The following STC2 variants were observed in gnomAD, a reference collection of about 807,000 sequenced individuals.
STC2 encodes stanniocalcin-2.
Under a neutral mutation model 22.7 loss-of-function variants are expected in STC2, and 7 were observed. The ratio of observed to expected loss-of-function variants is 0.31; its 90% confidence interval spans 0.18 to 0.58. The LOEUF is 0.58. Among genes scored for constraint, STC2 ranks in the 20% least tolerant of loss-of-function variants. The probability of loss-of-function intolerance (pLI) is 0.89; values close to 1 mark genes in which losing one functional copy is unlikely to be tolerated. For missense variants in STC2, 336 were observed against 406.2 expected (o/e 0.83, Z 1.48); for synonymous variants, 158 against 163.4 (o/e 0.97, Z 0.25).
In STC2 at chr5:173,325,327, T is replaced by C. The variant is rs1036318202; in HGVS notation, c.294+541A>G. Among the ~76,000 whole-genome samples, 11 of 152,132 alleles carry C rather than the reference T, an allele frequency of 7.2e-5. No homozygotes were observed. Among genetic ancestry groups the C allele is most frequent in the Admixed American group, 2.0e-4 (3 of 15,266 alleles). On this transcript the variant is annotated intron_variant, in intron 2 of 3. Coordinates refer to ENST00000265087, the MANE Select transcript of STC2 (RefSeq NM_003714.3). The surrounding 1 kb of genome is among the most constrained non-coding windows in gnomAD (Gnocchi z 4.7). ...CGAAGTGGGTCAGGCCCTGACTATA[T>C]TTATCATATAGAGCAAAAGGAAAGT...
Position 173,328,265 on chromosome 5 carries a change from C to G in STC2, c.-72G>C, listed in dbSNP as rs1171176792. On this transcript the variant is annotated 5_prime_UTR_variant, in exon 1 of 4. Transcript: ENST00000265087. ...TCCCCTCTTCCTCCTCCTCCTCTTC[C>G]TCCTTCGCCGCTTCCCCTCCTCCTC... is the stretch of plus-strand genomic sequence containing the variant. 3.7e-6 allele frequency: 5 copies of G among 1,358,482 alleles called. No individual in the cohort carries two copies. Among genetic ancestry groups the G allele is most frequent in the Middle Eastern group, 1.9e-4 (1 of 5,134 alleles). The allele number at this position is 1,358,482 out of a possible 1,614,324, so 84.2% of individuals were successfully genotyped here.
At position 173,317,750 on chromosome 5, in the gene STC2, G is replaced by C; in HGVS notation, c.*97C>G. 12 of 1,439,314 alleles carry C rather than the reference G, an allele frequency of 8.3e-6. No individual in the cohort carries two copies. The highest frequency in any genetic ancestry group is 2.3e-5 in the Admixed American group (1 of 43,870). The allele number at this position is 1,439,314 out of a possible 1,614,324, so 89.2% of individuals were successfully genotyped here. ...CCACAGTCCCCACAGAATCCTGCGT[G>C]TGACATCCCCCCTCTCTAATGGTAA... On this transcript the variant is annotated 3_prime_UTR_variant, in exon 4 of 4. Transcript: ENST00000265087.
At position 173,317,596 on chromosome 5, in the gene STC2, C is replaced by A; in HGVS notation, c.*251G>T. ...CACAGATGGAAAGAAGACAAAGGTACGAGGATAACGCGGGCGCGCTCCCTT... is the reference window on the plus strand; with the variant it reads ...CACAGATGGAAAGAAGACAAAGGTAAGAGGATAACGCGGGCGCGCTCCCTT... On this transcript the variant is annotated 3_prime_UTR_variant, in exon 4 of 4. Coordinates refer to ENST00000265087, the MANE Select transcript of STC2 (RefSeq NM_003714.3). The A allele has an allele frequency of 2.9e-6, 1 of 340,054 alleles. No individual in the cohort carries two copies. The highest frequency in any genetic ancestry group is 5.3e-6 in the Non-Finnish European group (1 of 188,448). 21.1% of individuals were successfully genotyped at this position (340,054 alleles called of 1,614,324 possible).
intron 1 of STC2, among the ~76,000 whole-genome samples, chr5:173,327,530 GA>G (rs1354155691): frequency 3.9e-5 from 6 of 152,260 alleles, no homozygotes; most frequent in African/African-American, 1.4e-4. Flanking sequence ...CCCCCAGGGG[GA>G]AAGTTCGCAA....
intron 1 of STC2, among the ~76,000 whole-genome samples, chr5:173,326,280 C>T (rs2113141022): frequency 6.6e-6 from 1 of 152,284 alleles, no homozygotes; most frequent in South Asian, 2.1e-4. Flanking sequence ...GAGCATTCCT[C>T]CTTTTCATCC....
rs2082883763 is a variant in STC2 at position 173,318,264 on chromosome 5, CAAAGAG to C, written c.507-21_507-16del. ...CCACGTAGGGTCTAAAGATTGAAAG[CAAAGAG>C]AGAGAGAGAGAGAGAGAGAGAGAGA... On this transcript the variant is annotated splice_polypyrimidine_tract_variant and intron_variant, in intron 3 of 3. Transcript: ENST00000265087. The C allele has an allele frequency of 1.7e-6, 2 of 1,176,952 alleles. No homozygotes were observed. Among genetic ancestry groups the C allele is most frequent in the Non-Finnish European group, 1.1e-6 (1 of 924,730 alleles). The allele number at this position is 1,176,952 out of a possible 1,614,324, so 72.9% of individuals were successfully genotyped here.
intron 1 of STC2, among the ~76,000 whole-genome samples, chr5:173,327,042 G>A (rs1335297815): frequency 1.3e-5 from 2 of 151,862 alleles, no homozygotes; most frequent in East Asian, 1.9e-4. Flanking sequence ...GCCAGAGGAG[G>A]GGGAGGGTGG....
At chr5:173,321,043 G>A (rs146125019) in intron 3 of STC2, among the ~76,000 whole-genome samples, 4 of 152,196 alleles carry the variant, frequency 2.6e-5, no homozygotes, top group Non-Finnish European at 4.4e-5. Context: ...TGCTGACTTA[G>A]GGGGAAGCAA....
At position 173,323,546 on chromosome 5, in the gene STC2, C is replaced by A; in HGVS notation, c.295-116G>T. On this transcript the variant is annotated intron_variant, in intron 2 of 3. Coordinates refer to ENST00000265087, the MANE Select transcript of STC2 (RefSeq NM_003714.3). This position sits in a 1 kb window ranked among gnomAD's most constrained non-coding sequence, Gnocchi z 5.4. ...CACAGGATATTTCTGACATCAGAAC[C>A]CCAAGGCCCCACCAGAGACGGACGT... is the stretch of plus-strand genomic sequence containing the variant. 1 of 1,004,432 alleles carries A rather than the reference C, an allele frequency of 1.0e-6. No individual in the cohort carries two copies. The highest frequency in any genetic ancestry group is 1.5e-5 in the South Asian group (1 of 65,660). 62.2% of individuals were successfully genotyped at this position (1,004,432 alleles called of 1,614,324 possible).
intron 3 of STC2, among the ~76,000 whole-genome samples, chr5:173,321,676 C>T (rs4868256): frequency 0.44 from 67,455 of 152,032 alleles, 16,444 homozygotes; most frequent in Admixed American, 0.59. Flanking sequence ...AACCTCAGTC[C>T]GAGTTCTCTA....
At chr5:173,327,999 G>C (rs749206748) in intron 1 of STC2, 44 bp downstream of exon 1, 4 of 1,413,674 alleles carry the variant, frequency 2.8e-6, no homozygotes, top group Non-Finnish European at 3.7e-6. Flanking sequence ...GGTGCACGGT[G>C]TCCTCTCCCA....
chr5:173,319,226 C>T (rs1762459648), intron 3 of STC2, among the ~76,000 whole-genome samples: 2 of 152,208 alleles, frequency 1.3e-5, no homozygotes, highest in Admixed American at 6.5e-5. Flanking sequence ...GGAGCATCTG[C>T]TTTTTATATT....
intron 3 of STC2, among the ~76,000 whole-genome samples, chr5:173,320,580 G>A (rs1388878743): frequency 6.6e-6 from 1 of 152,062 alleles, no homozygotes; most frequent in African/African-American, 2.4e-5. Flanking sequence ...GGCGAGTGGG[G>A]GTAAAACCAG....
At chr5:173,320,490 C>G (rs1762471061) in intron 3 of STC2, among the ~76,000 whole-genome samples, 1 of 152,184 alleles carries the variant, frequency 6.6e-6, no homozygotes, top group Admixed American at 6.5e-5. Flanking sequence ...GCTCGTTCAA[C>G]TGGGTGTCAG....
At chr5:173,321,767 C>A (rs1001052048) in intron 3 of STC2, among the ~76,000 whole-genome samples, 1 of 152,024 alleles carries the variant, frequency 6.6e-6, no homozygotes, top group Non-Finnish European at 1.5e-5. Context: ...ATGAGATAAC[C>A]CATGTAAAGG....
rs990522278 is a variant in STC2, at chr5:173,328,377, G to GGAGAGCAT, written c.-192_-185dup. ...ACCCAGCGCCCTCCCGTAGCTCTCC[G>GGAGAGCAT]GAGAGCATGTGACCAGGCCGTTAGC... On this transcript the variant is annotated 5_prime_UTR_variant, in exon 1 of 4. It adds an upstream start codon to the 5' untranslated region. Coordinates refer to ENST00000265087, the MANE Select transcript of STC2 (RefSeq NM_003714.3). The GGAGAGCAT allele has an allele frequency of 1.3e-5, 7 of 526,782 alleles. No individual in the cohort carries two copies. The highest frequency in any genetic ancestry group is 2.1e-5 in the Non-Finnish European group (7 of 329,708). The allele number at this position is 526,782 out of a possible 1,614,324, so 32.6% of individuals were successfully genotyped here. A position where few individuals can be genotyped will look rare whatever the true frequency, so the allele number is the denominator to read the frequency against.
At position 173,328,391 on chromosome 5, in the gene STC2, C is replaced by T. The variant is rs1201260534; in HGVS notation, c.-198G>A. 2.1e-6 allele frequency: 1 copy of T among 465,848 alleles called. No homozygotes were observed. The highest frequency in any genetic ancestry group is 2.0e-5 in the African/African-American group (1 of 49,774). The allele number at this position is 465,848 out of a possible 1,614,324, so 28.9% of individuals were successfully genotyped here. A position where few individuals can be genotyped will look rare whatever the true frequency, so the allele number is the denominator to read the frequency against. On this transcript the variant is annotated 5_prime_UTR_variant, in exon 1 of 4. Coordinates refer to ENST00000265087, the MANE Select transcript of STC2 (RefSeq NM_003714.3). ...CGTAGCTCTCCGGAGAGCATGTGAC[C>T]AGGCCGTTAGCAGCGCCGCGAGTGC...
intron 3 of STC2, among the ~76,000 whole-genome samples, chr5:173,322,011 A>G (rs1328342612): frequency 1.3e-5 from 2 of 152,188 alleles, no homozygotes; most frequent in African/African-American, 4.8e-5. Context: ...ACACTGTAGC[A>G]AGGGTGTTGC....
chr5:173,318,300 G>A (rs1330241799), intron 3 of STC2, 51 bp from the exon 4 acceptor site: 1 of 1,348,762 alleles, frequency 7.4e-7, no homozygotes, highest in African/African-American at 1.5e-5. Context: ...GAGAGAGAGA[G>A]GCTGGGAATG....
Sources: allele counts gnomAD v4.1 joint callset (sites outside exome capture counted in the v4.1 genomes callset), GRCh38; gene constraint gnomAD v4.1.1; non-coding constraint Gnocchi (gnomAD v3.1); transcripts MANE v1.5; gene names NCBI Gene and HGNC (gene_info 2026-07-23, HGNC 2026-07-21).